Variants in HMGA2 observed in about 807,000 individuals in gnomAD.
HMGA2 encodes high mobility group AT-hook 2.
A neutral mutation model predicts 19.1 loss-of-function variants in HMGA2; 8 were observed. The observed-to-expected ratio is 0.42, with a 90% CI of 0.25 to 0.76. The LOEUF is 0.76. HMGA2 is among the 30% of genes least tolerant of loss of function. HMGA2 has a pLI of 0.28. For missense variants in HMGA2, 109 were observed against 136.3 expected, an observed-to-expected ratio of 0.80 and a Z score of 1.00; for synonymous variants, 60 against 48.8, an observed-to-expected ratio of 1.23 and a Z score of -0.96.
At chr12:65,941,867 T>G (rs550759954) in intron 3 of HMGA2, among the ~76,000 whole-genome samples, 1 of 152,356 alleles carries the variant, frequency 6.6e-6, no homozygotes, top group East Asian at 1.9e-4. Context: ...TACTAAGAAC[T>G]GTTTTAAAAA....
At chr12:65,836,593 C>T (rs192613614) in intron 2 of HMGA2, among the ~76,000 whole-genome samples, 25 of 152,238 alleles carry the variant, frequency 1.6e-4, no homozygotes, top group African/African-American at 6.0e-4. Flanking sequence ...TCTAAGCGTT[C>T]CAAGGTAGAG....
intron 3 of HMGA2, among the ~76,000 whole-genome samples, chr12:65,892,020 T>C (rs1873931837): frequency 6.6e-6 from 1 of 152,246 alleles, no homozygotes; most frequent in African/African-American, 2.4e-5. Context: ...GTTTGTACAA[T>C]AATGCGCTGC....
chr12:65,858,876 G>A (rs1205573360), intron 3 of HMGA2: 3 of 152,158 alleles, frequency 2.0e-5, no homozygotes, highest in Non-Finnish European at 4.4e-5. Flanking sequence ...TTATTTTTAT[G>A]TAGATTGCTA....
At chr12:65,850,582 G>A (rs1342639909) in intron 3 of HMGA2, among the ~76,000 whole-genome samples, 1 of 151,130 alleles carries the variant, frequency 6.6e-6, no homozygotes, top group Non-Finnish European at 1.5e-5. Flanking sequence ...TAAGTATTCA[G>A]ACTTACTATT....
intron 3 of HMGA2, among the ~76,000 whole-genome samples, chr12:65,854,427 C>G (rs768367850): frequency 5.9e-5 from 9 of 152,118 alleles, no homozygotes; most frequent in Non-Finnish European, 1.3e-4. Flanking sequence ...AACAAGATCT[C>G]AATTAGGATG....
At chr12:65,903,883 A>G (rs1169005559) in intron 3 of HMGA2, among the ~76,000 whole-genome samples, 1 of 152,232 alleles carries the variant, frequency 6.6e-6, no homozygotes, top group Non-Finnish European at 1.5e-5. Flanking sequence ...GGAATGAAAT[A>G]AGACCCAACA....
chr12:65,871,617 ATTACTATATCCCCT>A (rs1245427405), intron 3 of HMGA2, among the ~76,000 whole-genome samples: 2 of 152,178 alleles, frequency 1.3e-5, no homozygotes, highest in African/African-American at 4.8e-5. Context: ...TGTTTTCTCC[ATTACTATATCCCCT>A]TCCTATGGGG....
chr12:65,868,524 C>T (rs1057288007), intron 3 of HMGA2, among the ~76,000 whole-genome samples: 4 of 152,108 alleles, frequency 2.6e-5, no homozygotes, highest in African/African-American at 9.7e-5. Flanking sequence ...AGAACTGAGG[C>T]AATGAGTCAC....
At chr12:65,951,896 C>T (rs1320201148) in intron 4 of HMGA2, 15 of 167,008 alleles carry the variant, frequency 9.0e-5, no homozygotes, top group Non-Finnish European at 1.7e-4. Flanking sequence ...TTAAGTTATA[C>T]TAACGTGCAG....
intron 3 of HMGA2, among the ~76,000 whole-genome samples, chr12:65,911,313 T>A (rs1874834821): frequency 6.6e-6 from 1 of 152,184 alleles, no homozygotes; most frequent in Non-Finnish European, 1.5e-5. Context: ...AGATGAACCA[T>A]CTCTACCACT....
chr12:65,947,171 G>C (rs1198851530), intron 3 of HMGA2, among the ~76,000 whole-genome samples: 1 of 151,742 alleles, frequency 6.6e-6, no homozygotes, highest in African/African-American at 2.4e-5. Context: ...CCAGGCGGGA[G>C]TGCAATGGTG....
chr12:65,904,903 A>T (rs770791062), intron 3 of HMGA2, among the ~76,000 whole-genome samples: 1 of 152,046 alleles, frequency 6.6e-6, no homozygotes, highest in Non-Finnish European at 1.5e-5. Context: ...TTAGCTGGGC[A>T]TGGTGGTGGG....
At chr12:65,894,445 T>G (rs1037709001) in intron 3 of HMGA2, among the ~76,000 whole-genome samples, 3 of 152,198 alleles carry the variant, frequency 2.0e-5, no homozygotes, top group African/African-American at 7.2e-5. Context: ...TGAATCAGGG[T>G]CATTGAGAGC....
chr12:65,946,449 A>C (rs1876267709), intron 3 of HMGA2, among the ~76,000 whole-genome samples: 1 of 152,166 alleles, frequency 6.6e-6, no homozygotes, highest in Non-Finnish European at 1.5e-5. Flanking sequence ...GGTCAACTTG[A>C]GACCCTTTAC....
intron 3 of HMGA2, among the ~76,000 whole-genome samples, chr12:65,902,392 C>T (rs1034130419): frequency 3.3e-5 from 5 of 152,034 alleles, no homozygotes; most frequent in Non-Finnish European, 7.4e-5. Flanking sequence ...CTTCATTTTA[C>T]ACAAAAATGA....
intron 3 of HMGA2, among the ~76,000 whole-genome samples, chr12:65,896,198 A>T (rs1874121745): frequency 6.6e-6 from 1 of 152,184 alleles, no homozygotes; most frequent in Non-Finnish European, 1.5e-5. Context: ...TCAAATGTTC[A>T]TTGCATCTGA....
At chr12:65,900,720 A>G (rs1232911836) in intron 3 of HMGA2, among the ~76,000 whole-genome samples, 1 of 152,200 alleles carries the variant, frequency 6.6e-6, no homozygotes, top group African/African-American at 2.4e-5. Flanking sequence ...AGCGCTGGTA[A>G]TTACTGAACA....
intron 3 of HMGA2, among the ~76,000 whole-genome samples, chr12:65,904,887 C>T (rs1222535520): frequency 6.6e-6 from 1 of 151,894 alleles, no homozygotes; most frequent in Non-Finnish European, 1.5e-5. Context: ...ACTAAAAATA[C>T]AAAATTTAGC....
intron 2 of HMGA2, among the ~76,000 whole-genome samples, chr12:65,835,336 C>G (rs1368854920): frequency 6.6e-6 from 1 of 152,140 alleles, no homozygotes; most frequent in Non-Finnish European, 1.5e-5. Flanking sequence ...AACTAAAACC[C>G]TAACTTGTTT....
Sources: gnomAD v4.1 joint callset for allele counts (sites outside exome capture counted in the v4.1 genomes callset) on GRCh38, gnomAD v4.1.1 for gene constraint, MANE v1.5 for transcripts, NCBI Gene and HGNC (gene_info 2026-07-23, HGNC 2026-07-21) for gene names.